IL20RA: variants seen among roughly 807,000 people sequenced by gnomAD.
The protein encoded by IL20RA is interleukin 20 receptor subunit alpha, also known as interleukin-20 receptor subunit alpha.
A neutral mutation model predicts 36.5 loss-of-function variants in IL20RA; 29 were observed. The ratio of observed to expected loss-of-function variants is 0.79; its 90% confidence interval spans 0.59 to 1.08. The LOEUF (loss-of-function observed/expected upper bound fraction) is 1.08. Ranked by LOEUF, IL20RA falls within the 50% of genes least tolerant of loss-of-function variation. IL20RA has a pLI of 0.00. For missense variants in IL20RA, 652 were observed against 668.4 expected, an observed-to-expected ratio of 0.98 and a Z score of 0.27; for synonymous variants, 279 against 267.1, an observed-to-expected ratio of 1.04 and a Z score of -0.43.
intron 1 of IL20RA, among the ~76,000 whole-genome samples, chr6:137,029,452 A>G (rs555016873): frequency 2.0e-5 from 3 of 152,322 alleles, no homozygotes; most frequent in Admixed American, 6.5e-5. Flanking sequence ...GGTTGTAGAG[A>G]GCTGAGATCG....
chr6:137,044,546 C>G (rs368764323), intron 1 of IL20RA, 95 bp downstream of exon 1: 1 of 1,157,180 alleles, frequency 8.6e-7, no homozygotes, highest in South Asian at 4.5e-5. Flanking sequence ...ACCTGGCCGG[C>G]GGGCAGGAGG....
At position 137,044,764 on chromosome 6, in the gene IL20RA, A is replaced by G; in HGVS notation, c.-36T>C. Reference sequence around the variant, plus strand: ...GCTGGGTCACATGTCGGGGGGCAGCAGACTGCTCAGTCCCACGCCCGCTGG... The same window carrying G: ...GCTGGGTCACATGTCGGGGGGCAGCGGACTGCTCAGTCCCACGCCCGCTGG... On this transcript the variant is annotated 5_prime_UTR_variant, in exon 1 of 7. Transcript: ENST00000316649. 1 of 1,210,172 alleles carries G rather than the reference A, an allele frequency of 8.3e-7. No homozygotes were observed. The highest frequency in any genetic ancestry group is 3.4e-5 in the East Asian group (1 of 29,574). 75.0% of individuals were successfully genotyped at this position (1,210,172 alleles called of 1,614,324 possible). A position where few individuals can be genotyped will look rare whatever the true frequency, so the allele number is the denominator to read the frequency against.
chr6:137,018,700 T>C (rs894974522), intron 1 of IL20RA, among the ~76,000 whole-genome samples: 5 of 152,214 alleles, frequency 3.3e-5, no homozygotes, highest in African/African-American at 1.2e-4. Context: ...TTAATACTGC[T>C]TTGTGGTACT....
rs762769749 is a variant in IL20RA, at chr6:137,008,584, T to C, written c.724+15A>G. 1 of 1,577,844 alleles carries C rather than the reference T, an allele frequency of 6.3e-7. No homozygotes were observed. Among genetic ancestry groups the C allele is most frequent in the South Asian group, 1.2e-5 (1 of 83,044 alleles). On this transcript the variant is annotated intron_variant, in intron 5 of 6. Transcript: ENST00000316649. ...GATCTCCTTCCTAGACCAGCAAAGA[T>C]TTTTTAAAGCTTACCTTTCAAAGTC... is the stretch of plus-strand genomic sequence containing the variant.
chr6:137,000,351 T>C lies in IL20RA; in HGVS notation c.*1207A>G, dbSNP rs1787968580. On this transcript the variant is annotated 3_prime_UTR_variant, in exon 7 of 7. Transcript: ENST00000316649. The stretch of plus-strand genomic sequence containing the variant: ...ATTAAGGCAAACCATATGAAGTTAC[T>C]GCTTGTCAGATTAAAAACAGCCAAA... The C allele has an allele frequency of 1.3e-5, 2 of 152,358 alleles. No homozygotes were observed. The highest frequency in any genetic ancestry group is 2.1e-4 in the South Asian group (1 of 4,828). The allele number at this position is 152,358 out of a possible 1,614,324, so 9.4% of individuals were successfully genotyped here. A position where few individuals can be genotyped will look rare whatever the true frequency, so the allele number is the denominator to read the frequency against.
intron 1 of IL20RA, among the ~76,000 whole-genome samples, chr6:137,019,122 C>T (rs1043963886): frequency 8.4e-6 from 1 of 118,682 alleles, no homozygotes; most frequent in Admixed American, 1.1e-4. Flanking sequence ...ACACTGTATT[C>T]TATTTATCTT....
Position 137,007,737 on chromosome 6 carries a change from GA to G in IL20RA, c.724+861del, listed in dbSNP as rs755931288. ...GAGGAGATAAATAAAAGGAAATAGAGAGAAGCAACTGTAAGGATAAGGAAGT... is the reference window on the plus strand; with the variant it reads ...GAGGAGATAAATAAAAGGAAATAGAGGAAGCAACTGTAAGGATAAGGAAGT... On this transcript the variant is annotated intron_variant, in intron 5 of 6. Coordinates refer to ENST00000316649, the MANE Select transcript of IL20RA (RefSeq NM_014432.4). Among the ~76,000 whole-genome samples, 42 of 152,272 alleles carry G rather than the reference GA, an allele frequency of 2.8e-4. 2 individuals carry two copies. The highest frequency in any genetic ancestry group is 1.3e-3 in the Admixed American group (20 of 15,290).
chr6:137,044,001 T>C (rs1582846700), intron 1 of IL20RA: 1 of 649,864 alleles, frequency 1.5e-6, no homozygotes, highest in Non-Finnish European at 1.9e-6. Context: ...AGTTAAAAGT[T>C]TTGTTATTTC....
At chr6:137,026,778 G>A (rs879179921) in intron 1 of IL20RA, among the ~76,000 whole-genome samples, 28 of 152,152 alleles carry the variant, frequency 1.8e-4, no homozygotes, top group Admixed American at 3.3e-4. Flanking sequence ...TGAAAGGAAC[G>A]GCATGTTTTC....
rs1192585805 is a variant in IL20RA, at chr6:137,000,173, G to A, written c.*1385C>T. 1 of 152,124 alleles carries A rather than the reference G, an allele frequency of 6.6e-6. No homozygotes were observed. The highest frequency in any genetic ancestry group is 2.4e-5 in the African/African-American group (1 of 41,436). 9.4% of individuals were successfully genotyped at this position (152,124 alleles called of 1,614,324 possible). On this transcript the variant is annotated 3_prime_UTR_variant, in exon 7 of 7. Coordinates refer to ENST00000316649, the MANE Select transcript of IL20RA (RefSeq NM_014432.4). ...ATTAGATCTGAAACTGTTTGCATTT[G>A]CGGATAATCACGAAAGGTCATGACC...
intron 1 of IL20RA, among the ~76,000 whole-genome samples, chr6:137,039,074 G>T (rs1776585750): frequency 6.6e-6 from 1 of 152,190 alleles, no homozygotes; most frequent in South Asian, 2.1e-4. Context: ...CCTACCTTAT[G>T]GTTCTAAGAG....
intron 1 of IL20RA, among the ~76,000 whole-genome samples, chr6:137,018,783 A>G (rs1775798192): frequency 6.6e-6 from 1 of 152,206 alleles, no homozygotes; most frequent in Non-Finnish European, 1.5e-5. Flanking sequence ...TGAGTATAAC[A>G]CTTCTCAGCT....
At chr6:137,029,684 A>G (rs546462125) in intron 1 of IL20RA, among the ~76,000 whole-genome samples, 1 of 152,316 alleles carries the variant, frequency 6.6e-6, no homozygotes, top group South Asian at 2.1e-4. Flanking sequence ...GGGAAAATAT[A>G]AAAGAAAGAA....
In IL20RA at chr6:137,004,658, T is replaced by C; in HGVS notation, c.827A>G (p.Tyr276Cys). Residue 276 changes from tyrosine to cysteine, a missense_variant, in exon 6 of 7, where the codon TAT (tyrosine) becomes TGT (cysteine). Physicochemically the swap from Tyr to Cys is radical, Grantham distance 194. Transcript: ENST00000316649. ...FSVMGYSIYR[Y>C]IHVGKEKHPA... ...GTGTTTCTCTTTGCCAACGTGGATA[T>C]ATCGGTAGATGGAATAGCCCATCAC... is the stretch of plus-strand genomic sequence containing the variant. The C allele has an allele frequency of 3.7e-6, 6 of 1,613,602 alleles. No homozygotes were observed. The highest frequency in any genetic ancestry group is 5.1e-6 in the Non-Finnish European group (6 of 1,179,900).
intron 5 of IL20RA, among the ~76,000 whole-genome samples, chr6:137,005,875 C>A (rs1391790216): frequency 1.3e-5 from 2 of 152,146 alleles, no homozygotes; most frequent in African/African-American, 4.8e-5. Context: ...GCCTGCCTAT[C>A]CTATAAATTC....
At chr6:137,035,674 C>G (rs1776468580) in intron 1 of IL20RA, among the ~76,000 whole-genome samples, 1 of 152,122 alleles carries the variant, frequency 6.6e-6, no homozygotes, top group Non-Finnish European at 1.5e-5. Context: ...TTTGAAAACT[C>G]AAAATGGATG....
At chr6:137,009,541 CT>C (rs1329394758) in intron 3 of IL20RA, 49 bp from the exon 4 acceptor site, 1 of 1,164,538 alleles carries the variant, frequency 8.6e-7, no homozygotes, top group East Asian at 2.4e-5. Flanking sequence ...GAAAAATTAC[CT>C]TAGGTAAAGC....
At chr6:137,040,304 G>GTGTGTATAACTACGTTAGTCTATA (rs1411249676) in intron 1 of IL20RA, among the ~76,000 whole-genome samples, 3 of 151,884 alleles carry the variant, frequency 2.0e-5, no homozygotes, top group African/African-American at 7.3e-5. Flanking sequence ...ATATAGATGT[G>GTGTGTATAACTACGTTAGTCTATA]TGTGTATAAC....
chr6:137,044,248 C>A, intron 1 of IL20RA: 2 of 991,592 alleles, frequency 2.0e-6, no homozygotes, highest in African/African-American at 3.5e-5. Context: ...CGCGCGGCCG[C>A]GGCGGTGGTG....
Sources: gnomAD v4.1 joint callset for allele counts (sites outside exome capture counted in the v4.1 genomes callset) on GRCh38, gnomAD v4.1.1 for gene constraint, MANE v1.5 for transcripts, NCBI Gene and HGNC (gene_info 2026-07-23, HGNC 2026-07-21) for gene names.